The following TANGO2 variants were observed in gnomAD, a reference collection of about 807,000 sequenced individuals.
TANGO2 encodes the protein transport and golgi organization 2 homolog.
TANGO2 carries 26 observed loss-of-function variants against 39.1 expected under a neutral mutation model. That is an observed-to-expected ratio of 0.67 (90% CI 0.49 to 0.92). TANGO2 has a LOEUF of 0.92. Ranked by LOEUF, TANGO2 falls within the 40% of genes least tolerant of loss-of-function variation. The pLI is 0.00. For synonymous variants in TANGO2, 131 were observed against 144.5 expected, an observed-to-expected ratio of 0.91 and a Z score of 0.67; for missense variants, 326 against 360.1, an observed-to-expected ratio of 0.91 and a Z score of 0.77.
At chr22:20,063,488 C>T (rs1326450547) in intron 8 of TANGO2, 46 bp downstream of exon 8, 1 of 1,539,652 alleles carries the variant, frequency 6.5e-7, no homozygotes, top group Non-Finnish European at 8.9e-7. Flanking sequence ...CATGTCCCAC[C>T]TCCCACGCTA....
rs2048734408 is a variant in TANGO2 at position 20,063,355 on chromosome 22, C to A, written c.623C>A (p.Ala208Asp). The A allele has an allele frequency of 2.5e-6, 4 of 1,613,256 alleles. No homozygotes were observed. In the Admixed American group the frequency reaches 5.0e-5, roughly 20 times the overall value. The change falls in exon 8 of 9, where the codon GCC becomes GAC. Residue 208 changes from alanine (A) to aspartate (D), a missense_variant. By Grantham distance (126) the Ala-to-Asp change is moderately radical. Transcript: ENST00000327374. ...TCCTGCAGGCAGCTGCCAGACCCGG[C>A]CATCGAGGACCAGGGTGGGGAGTAC... ...NNEEAQLPDP[A>D]IEDQGGEYVQ...
intron 3 of TANGO2, among the ~76,000 whole-genome samples, chr22:20,048,595 G>A (rs2147381241): frequency 6.6e-6 from 1 of 152,144 alleles, no homozygotes; most frequent in Admixed American, 6.5e-5. Context: ...TTCTGGATAT[G>A]AGTCCTTTGT....
chr22:20,028,502 C>T (rs1417930168), intron 1 of TANGO2, among the ~76,000 whole-genome samples: 1 of 152,216 alleles, frequency 6.6e-6, no homozygotes, highest in Non-Finnish European at 1.5e-5. Flanking sequence ...AACTATGGGT[C>T]CCACCAGCCT....
intron 3 of TANGO2, among the ~76,000 whole-genome samples, chr22:20,050,923 G>A (rs1281993500): frequency 2.7e-5 from 4 of 150,138 alleles, no homozygotes; most frequent in African/African-American, 9.8e-5. Flanking sequence ...CACCTCCCGG[G>A]TTCAAGCAAT....
At chr22:20,063,162 A>T in intron 7 of TANGO2, 176 bp from the exon 8 acceptor site, 1 of 574,010 alleles carries the variant, frequency 1.7e-6, no homozygotes, top group Non-Finnish European at 3.1e-6. Context: ...TCCTCAAAAA[A>T]AGAAAATAAG....
chr22:20,049,755 A>G (rs944145615), intron 3 of TANGO2, among the ~76,000 whole-genome samples: 4 of 152,062 alleles, frequency 2.6e-5, no homozygotes, highest in Admixed American at 6.5e-5. Context: ...TTGCATATGC[A>G]TAGATATTTC....
At chr22:20,064,428 C>T in intron 8 of TANGO2, 114 bp from the exon 9 acceptor site, 1 of 1,357,790 alleles carries the variant, frequency 7.4e-7, no homozygotes, top group Non-Finnish European at 1.0e-6. Flanking sequence ...GGCACAGCCT[C>T]CAGGCATGGG....
chr22:20,040,704 TG>T (rs2043738996), intron 2 of TANGO2, among the ~76,000 whole-genome samples: 1 of 152,232 alleles, frequency 6.6e-6, no homozygotes, highest in Non-Finnish European at 1.5e-5. Flanking sequence ...GCAAGTGCAC[TG>T]CCTTCTACTA....
intron 1 of TANGO2, among the ~76,000 whole-genome samples, chr22:20,032,886 A>G (rs76656759): frequency 0.029 from 4,342 of 152,320 alleles, 227 homozygotes; most frequent in African/African-American, 0.1. Flanking sequence ...CCAAAAGGAC[A>G]AGGACTATAT....
intron 6 of TANGO2, among the ~76,000 whole-genome samples, chr22:20,059,784 A>G (rs948036664): frequency 1.3e-5 from 2 of 152,104 alleles, no homozygotes; most frequent in Admixed American, 1.3e-4. Flanking sequence ...CAAAGCTTAA[A>G]ATTTTTAAGT....
rs753684817 is a variant in TANGO2 at position 20,053,363 on chromosome 22, G to A, written c.266-74G>A. The A allele has an allele frequency of 1.0e-5, 11 of 1,065,540 alleles. No homozygotes were observed. In the Admixed American group the frequency reaches 2.0e-4, roughly 19 times the overall value. The allele number at this position is 1,065,540 out of a possible 1,614,324, so 66.0% of individuals were successfully genotyped here. On this transcript the variant is annotated intron_variant, in intron 4 of 8. Transcript: ENST00000327374. The stretch of plus-strand genomic sequence containing the variant: ...CATCTTCCTGCATCCTCCCCAGGGG[G>A]CCCCATATCAGTGTTCCTGGGAGAA...
In TANGO2 at chr22:20,052,506, G is replaced by T. The variant is rs2046544566; in HGVS notation, c.187G>T (p.Gly63Cys). The change falls in exon 4 of 9, where the codon GGC becomes TGC. Residue 63 changes from glycine (G) to cysteine (C), a missense_variant. Physicochemically the swap from Gly to Cys is radical, Grantham distance 159. Transcript: ENST00000327374. ...AGGCAAGGAAGGAGGCACATGGCTG[G>T]GCATCAGCACACGTGGCAAGCTGGC... Reference protein sequence around the residue: ...EEGKEGGTWLGISTRGKLAAL... With the variant: ...EEGKEGGTWLCISTRGKLAAL... The T allele has an allele frequency of 1.9e-6, 3 of 1,607,572 alleles. No homozygotes were observed. The highest frequency in any genetic ancestry group is 2.5e-6 in the Non-Finnish European group (3 of 1,177,184).
rs1213866009 is a variant in TANGO2, at chr22:20,056,465, C to T, written c.451+452C>T. On this transcript the variant is annotated intron_variant, in intron 6 of 8. Coordinates refer to ENST00000327374, the MANE Select transcript of TANGO2 (RefSeq NM_152906.7). ...CCTGCACCCAGTCCCCAGTCTGATC[C>T]CCGGTCCCCATCCTCAGGGCCTCGA... 1.5e-5 allele frequency: 7 copies of T among 459,136 alleles called. 1 individual carries two copies. The highest frequency in any genetic ancestry group is 6.2e-5 in the South Asian group (4 of 64,584). The allele number at this position is 459,136 out of a possible 1,614,324, so 28.4% of individuals were successfully genotyped here.
intron 1 of TANGO2, among the ~76,000 whole-genome samples, chr22:20,028,777 G>A (rs1013710852): frequency 6.6e-6 from 1 of 152,244 alleles, no homozygotes; most frequent in African/African-American, 2.4e-5. Flanking sequence ...TTGCCCTGCA[G>A]CACTGAGGTC....
chr22:20,037,222 G>A, intron 2 of TANGO2: 2 of 1,123,308 alleles, frequency 1.8e-6, no homozygotes, highest in Non-Finnish European at 2.5e-6. Context: ...GGTCACAGCT[G>A]CTGGTGAGAA....
chr22:20,055,718 C>G (rs985497828), intron 5 of TANGO2: 1 of 595,030 alleles, frequency 1.7e-6, no homozygotes, highest in African/African-American at 1.9e-5. Flanking sequence ...TGGTGGGCCC[C>G]GAGGTGAGCT....
chr22:20,020,103 G>C (rs1235403222), upstream of TANGO2, among the ~76,000 whole-genome samples: 1 of 152,170 alleles, frequency 6.6e-6, no homozygotes, highest in Non-Finnish European at 1.5e-5. Context: ...AAGCTAATGT[G>C]GCCTCTCTTG....
At chr22:20,034,975 C>G (rs2520733) in intron 1 of TANGO2, among the ~76,000 whole-genome samples, 137,421 of 152,310 alleles carry the variant, frequency 0.9, 62,683 homozygotes, top group African/African-American at 0.98. Flanking sequence ...AAAAGGATTG[C>G]CCCTAGTAGC....
In TANGO2 at chr22:20,023,553, G is replaced by A. The variant is rs1257033501; in HGVS notation, c.-40+2307G>A. 3.3e-5 allele frequency among the ~76,000 whole-genome samples: 5 copies of A among 152,212 alleles called. No individual in the cohort carries two copies. The South Asian group carries it at 1.0e-3, about 32-fold the overall frequency. On this transcript the variant is annotated intron_variant, in intron 1 of 8. Coordinates refer to ENST00000327374, the MANE Select transcript of TANGO2 (RefSeq NM_152906.7). ...GAAGATCTGAGGAGAGAGTACCACT[G>A]TAGAAAATGTGTCATGATAGGCCAA...
Sources: allele counts gnomAD v4.1 joint callset (sites outside exome capture counted in the v4.1 genomes callset), GRCh38; gene constraint gnomAD v4.1.1; transcripts MANE v1.5; gene names NCBI Gene and HGNC (gene_info 2026-07-23, HGNC 2026-07-21).